The following MB21D2 variants were observed in gnomAD, a reference collection of about 807,000 sequenced individuals.
The protein encoded by MB21D2 is nucleotidyltransferase MB21D2.
In MB21D2, 9 loss-of-function variants were observed where a neutral mutation model predicts 33.3. That is an observed-to-expected ratio of 0.27 (90% CI 0.16 to 0.47). The LOEUF (loss-of-function observed/expected upper bound fraction) is 0.47, where lower values mean the gene tolerates loss of function less well. Ranked by LOEUF, MB21D2 falls within the 20% of genes least tolerant of loss-of-function variation. The probability of loss-of-function intolerance (pLI) is 0.99; values close to 1 mark genes in which losing one functional copy is unlikely to be tolerated. For synonymous variants in MB21D2, 241 were observed against 236.3 expected (o/e 1.02, Z -0.18); for missense variants, 540 against 624.6 (o/e 0.86, Z 1.44).
At chr3:192,853,630 T>C (rs1489226695) in intron 1 of MB21D2, among the ~76,000 whole-genome samples, 2 of 151,854 alleles carry the variant, frequency 1.3e-5, no homozygotes, top group Non-Finnish European at 2.9e-5. Flanking sequence ...CATACATTTC[T>C]GGTGTTTTTG....
At chr3:192,892,684 C>G (rs1713876701) in intron 1 of MB21D2, among the ~76,000 whole-genome samples, 1 of 152,172 alleles carries the variant, frequency 6.6e-6, no homozygotes, top group African/African-American at 2.4e-5. Flanking sequence ...CTCAGGTGAT[C>G]TGCCTGCCTC....
intron 1 of MB21D2, among the ~76,000 whole-genome samples, chr3:192,890,737 C>CA (rs1480397702): frequency 6.6e-6 from 1 of 151,908 alleles, no homozygotes; most frequent in Non-Finnish European, 1.5e-5. Context: ...CAAATTTCGG[C>CA]AAAAATGATA....
At chr3:192,832,894 G>C (rs904460356) in intron 1 of MB21D2, among the ~76,000 whole-genome samples, 1 of 152,014 alleles carries the variant, frequency 6.6e-6, no homozygotes, top group African/African-American at 2.4e-5. Flanking sequence ...TTCCTTTTTT[G>C]CATAGACTGC....
chr3:192,888,275 T>C (rs2108645852), intron 1 of MB21D2, among the ~76,000 whole-genome samples: 2 of 152,120 alleles, frequency 1.3e-5, no homozygotes, highest in Non-Finnish European at 2.9e-5. Context: ...CTCAATCTAT[T>C]AAGTAATGAC....
At chr3:192,830,077 C>G (rs967097536) in intron 1 of MB21D2, among the ~76,000 whole-genome samples, 40 of 152,136 alleles carry the variant, frequency 2.6e-4, no homozygotes, top group African/African-American at 8.0e-4. Context: ...GCTATGTTGC[C>G]CAGGCCTCAA....
intron 1 of MB21D2, among the ~76,000 whole-genome samples, chr3:192,832,683 G>C (rs573362161): frequency 6.6e-6 from 1 of 152,058 alleles, no homozygotes; most frequent in African/African-American, 2.4e-5. Flanking sequence ...CCAGCTACTC[G>C]GGAGGCTGGG....
At chr3:192,828,903 C>A (rs776561502) in intron 1 of MB21D2, among the ~76,000 whole-genome samples, 10 of 151,558 alleles carry the variant, frequency 6.6e-5, no homozygotes, top group Non-Finnish European at 1.2e-4. Flanking sequence ...CCCGCCTCGG[C>A]CTTCCAAAGT....
intron 1 of MB21D2, among the ~76,000 whole-genome samples, chr3:192,880,586 C>T (rs776570055): frequency 2.0e-5 from 3 of 152,048 alleles, no homozygotes; most frequent in Non-Finnish European, 2.9e-5. Flanking sequence ...ATGTGAGTCC[C>T]CCAGGAAAAG....
chr3:192,810,607 T>C (rs1271452295), intron 1 of MB21D2, among the ~76,000 whole-genome samples: 1 of 152,204 alleles, frequency 6.6e-6, no homozygotes, highest in Non-Finnish European at 1.5e-5. Flanking sequence ...GTAGATATAA[T>C]AGTAAAATAA....
chr3:192,817,958 A>G (rs1711963166), intron 1 of MB21D2, among the ~76,000 whole-genome samples: 1 of 135,242 alleles, frequency 7.4e-6, no homozygotes, highest in African/African-American at 2.7e-5. Context: ...CCCCAAACGG[A>G]TCCCCCACAA....
At chr3:192,840,408 C>CTT (rs1175000486) in intron 1 of MB21D2, among the ~76,000 whole-genome samples, 3 of 108,422 alleles carry the variant, frequency 2.8e-5, no homozygotes, top group African/African-American at 7.0e-5. Flanking sequence ...ACTTTTTTCT[C>CTT]TTTTTTCTTT....
intron 1 of MB21D2, among the ~76,000 whole-genome samples, chr3:192,808,867 C>T (rs1359457414): frequency 2.6e-5 from 4 of 152,214 alleles, no homozygotes; most frequent in Admixed American, 1.3e-4. Flanking sequence ...ATCCTCCAGC[C>T]GACTTCACCA....
intron 1 of MB21D2, among the ~76,000 whole-genome samples, chr3:192,881,799 A>T (rs746528169): frequency 6.6e-6 from 1 of 152,152 alleles, no homozygotes; most frequent in Non-Finnish European, 1.5e-5. Flanking sequence ...ATCACTAGGG[A>T]GCTATAAATG....
chr3:192,873,599 G>A (rs1288716632), intron 1 of MB21D2, among the ~76,000 whole-genome samples: 1 of 152,100 alleles, frequency 6.6e-6, no homozygotes, highest in Non-Finnish European at 1.5e-5. Context: ...AGCCTCTGTT[G>A]GGCCCCTCTC....
intron 1 of MB21D2, among the ~76,000 whole-genome samples, chr3:192,858,077 A>T (rs1467574910): frequency 6.6e-6 from 1 of 152,182 alleles, no homozygotes; most frequent in African/African-American, 2.4e-5. Context: ...GTGAGCCAAG[A>T]TCACACCACT....
intron 1 of MB21D2, among the ~76,000 whole-genome samples, chr3:192,833,832 G>A (rs560481433): frequency 6.6e-6 from 1 of 152,262 alleles, no homozygotes; most frequent in South Asian, 2.1e-4. Flanking sequence ...GGCTGCCCAG[G>A]CTAACTTCAC....
chr3:192,842,899 G>A (rs916841386), intron 1 of MB21D2, among the ~76,000 whole-genome samples: 1 of 152,270 alleles, frequency 6.6e-6, no homozygotes, highest in African/African-American at 2.4e-5. Flanking sequence ...ACTGACAAAA[G>A]GACCCTAGCC....
intron 1 of MB21D2, among the ~76,000 whole-genome samples, chr3:192,815,285 T>C (rs1183417323): frequency 6.6e-6 from 1 of 152,082 alleles, no homozygotes; most frequent in African/African-American, 2.4e-5. Flanking sequence ...AAAGCAAAGG[T>C]GACACAGCAC....
At chr3:192,894,169 C>T (rs1713915437) in intron 1 of MB21D2, among the ~76,000 whole-genome samples, 1 of 152,028 alleles carries the variant, frequency 6.6e-6, no homozygotes, top group Non-Finnish European at 1.5e-5. Context: ...CGCTCTGTCA[C>T]CCAGGCTGTA....
Sources: allele counts gnomAD v4.1 joint callset (sites outside exome capture counted in the v4.1 genomes callset), GRCh38; gene constraint gnomAD v4.1.1; transcripts MANE v1.5; gene names NCBI Gene and HGNC (gene_info 2026-07-23, HGNC 2026-07-21).